The following SGCZ variants were observed in gnomAD, a reference collection of about 807,000 sequenced individuals.
SGCZ encodes sarcoglycan zeta.
In SGCZ, 40 loss-of-function variants were observed where a neutral mutation model predicts 41.3. The ratio of observed to expected loss-of-function variants is 0.97; its 90% CI spans 0.75 to 1.26. SGCZ has a LOEUF of 1.26. Among genes scored for constraint, SGCZ ranks in the 50% most tolerant of loss-of-function variants. The pLI is 0.00. For synonymous variants in SGCZ, 206 were observed against 137.5 expected, an observed-to-expected ratio of 1.50 and a Z score of -3.49; for missense variants, 552 against 369.8, an observed-to-expected ratio of 1.49 and a Z score of -4.04.
intron 7 of SGCZ, among the ~76,000 whole-genome samples, chr8:14,101,292 G>A: frequency 8.4e-6 from 1 of 119,040 alleles, no homozygotes; most frequent in Non-Finnish European, 2.1e-5. Context: ...GAAGGAGAGG[G>A]TAAGAGATGT....
At chr8:14,770,746 G>C (rs1005866018) in intron 1 of SGCZ, among the ~76,000 whole-genome samples, 2 of 152,046 alleles carry the variant, frequency 1.3e-5, no homozygotes, top group Non-Finnish European at 2.9e-5. Context: ...GCCACCAAAA[G>C]TTCATAACCC....
At chr8:14,626,216 C>T (rs539781892) in intron 1 of SGCZ, among the ~76,000 whole-genome samples, 38 of 152,030 alleles carry the variant, frequency 2.5e-4, no homozygotes, top group African/African-American at 8.2e-4. Flanking sequence ...CATAGGTAAA[C>T]GTGTGTCATG....
At chr8:14,242,053 T>C (rs937160321) in intron 3 of SGCZ, among the ~76,000 whole-genome samples, 2 of 152,276 alleles carry the variant, frequency 1.3e-5, no homozygotes, top group South Asian at 2.1e-4. Context: ...TTTTCTGGAG[T>C]TCCCAATCTG....
In SGCZ at chr8:14,921,717, T is replaced by C. The variant is rs1585380917; in HGVS notation, c.39+315868A>G. 2.0e-5 allele frequency among the ~76,000 whole-genome samples: 3 copies of C among 152,114 alleles called. No individual in the cohort carries two copies. The East Asian group carries it at 5.8e-4, about 29-fold the overall frequency. On this transcript the variant is annotated intron_variant, in intron 1 of 7. Coordinates refer to ENST00000382080, the MANE Select transcript of SGCZ (RefSeq NM_139167.4). Reference sequence around the variant, plus strand: ...TGTAAAGTTAGTAACAGTCAAAAAATTGAACATCTGCTGTGATGACAACTT... The same window carrying C: ...TGTAAAGTTAGTAACAGTCAAAAAACTGAACATCTGCTGTGATGACAACTT...
At chr8:14,913,885 G>GAATGATAAAAGCAAA (rs1298875926) in intron 1 of SGCZ, among the ~76,000 whole-genome samples, 1 of 151,950 alleles carries the variant, frequency 6.6e-6, no homozygotes, top group Non-Finnish European at 1.5e-5. Context: ...CTGGTCATTA[G>GAATGATAAAAGCAAA]AATGATAAAA....
intron 2 of SGCZ, among the ~76,000 whole-genome samples, chr8:14,330,625 AT>A (rs1802283516): frequency 6.6e-6 from 1 of 152,014 alleles, no homozygotes; most frequent in Non-Finnish European, 1.5e-5. Flanking sequence ...TTAAATTTAA[AT>A]TTAAAATGAC....
intron 1 of SGCZ, among the ~76,000 whole-genome samples, chr8:15,189,552 T>C (rs923880266): frequency 4.2e-5 from 6 of 142,754 alleles, no homozygotes; most frequent in Non-Finnish European, 9.4e-5. Flanking sequence ...AAATACTTCA[T>C]GAGGACCTTG....
intron 3 of SGCZ, among the ~76,000 whole-genome samples, chr8:14,310,122 A>G (rs1801485718): frequency 6.6e-6 from 1 of 151,862 alleles, no homozygotes; most frequent in African/African-American, 2.4e-5. Flanking sequence ...TTTTCTAGCA[A>G]TTTTCTTTGT....
chr8:14,914,844 T>A (rs563774977), intron 1 of SGCZ, among the ~76,000 whole-genome samples: 5 of 152,240 alleles, frequency 3.3e-5, no homozygotes, highest in Non-Finnish European at 5.9e-5. Context: ...TGCAGGCACT[T>A]CAGAAGGCCT....
intron 1 of SGCZ, among the ~76,000 whole-genome samples, chr8:15,161,100 G>T (rs556479803): frequency 1.3e-5 from 2 of 152,000 alleles, no homozygotes; most frequent in Non-Finnish European, 2.9e-5. Context: ...ATCCTTAGGT[G>T]ATCTGGTTCC....
chr8:15,161,037 C>G (rs926768696), intron 1 of SGCZ, among the ~76,000 whole-genome samples: 6 of 152,086 alleles, frequency 3.9e-5, no homozygotes, highest in Non-Finnish European at 8.8e-5. Context: ...CTGCTCAGTC[C>G]TTCAACGGCC....
At chr8:15,158,240 C>T (rs1262546381) in intron 1 of SGCZ, among the ~76,000 whole-genome samples, 2 of 152,144 alleles carry the variant, frequency 1.3e-5, no homozygotes, top group Admixed American at 1.3e-4. Flanking sequence ...TCACCCCATA[C>T]CAGGTTTCTC....
intron 1 of SGCZ, among the ~76,000 whole-genome samples, chr8:14,624,642 C>T (rs1484174364): frequency 1.5e-5 from 2 of 136,966 alleles, no homozygotes; most frequent in Middle Eastern, 4.3e-3. Flanking sequence ...GTGATCTCGG[C>T]TCACTGAAAC....
chr8:15,172,161 T>TTG lies in SGCZ; in HGVS notation c.39+65423_39+65424insCA, dbSNP rs1554471131. On this transcript the variant is annotated intron_variant, in intron 1 of 7. Transcript: ENST00000382080. ...AAATGCCTTTTATACTCTGTTTTTT[T>TTG]TTTTTTTTTTTTTTTTTTGAGACGG... Among the ~76,000 whole-genome samples the TTG allele has an allele frequency of 1.2e-4, 9 of 73,664 alleles. No individual in the cohort carries two copies. In the East Asian group the frequency reaches 1.3e-3, roughly 11 times the overall value. 48.3% of individuals were successfully genotyped at this position (73,664 alleles called of 152,430 possible).
intron 1 of SGCZ, among the ~76,000 whole-genome samples, chr8:14,973,947 T>G (rs1254777969): frequency 6.6e-6 from 1 of 152,170 alleles, no homozygotes; most frequent in African/African-American, 2.4e-5. Flanking sequence ...CTAATGGACA[T>G]TTCCAAAATT....
At chr8:15,200,111 T>C (rs1800846607) in intron 1 of SGCZ, among the ~76,000 whole-genome samples, 2 of 152,224 alleles carry the variant, frequency 1.3e-5, no homozygotes, top group Admixed American at 1.3e-4. Flanking sequence ...GAAATTTGTA[T>C]CTCTTCATCC....
intron 2 of SGCZ, among the ~76,000 whole-genome samples, chr8:14,414,787 A>C (rs1799451447): frequency 6.6e-6 from 1 of 151,982 alleles, no homozygotes; most frequent in Non-Finnish European, 1.5e-5. Context: ...ACAGGTAAAT[A>C]AAGCCATATG....
At chr8:15,075,852 A>AT (rs1370202226) in intron 1 of SGCZ, among the ~76,000 whole-genome samples, 1 of 151,894 alleles carries the variant, frequency 6.6e-6, no homozygotes, top group Non-Finnish European at 1.5e-5. Context: ...GCCTACCAAT[A>AT]TTTTTCTAAA....
chr8:14,420,412 T>C (rs1400355216), intron 2 of SGCZ, among the ~76,000 whole-genome samples: 1 of 152,114 alleles, frequency 6.6e-6, no homozygotes, highest in Non-Finnish European at 1.5e-5. Context: ...CTTATAATCT[T>C]AGCTTTTGTT....
Sources: allele counts gnomAD v4.1 joint callset (sites outside exome capture counted in the v4.1 genomes callset), GRCh38; gene constraint gnomAD v4.1.1; transcripts MANE v1.5; gene names NCBI Gene and HGNC (gene_info 2026-07-23, HGNC 2026-07-21).